The following QSOX2 variants were observed in gnomAD, a reference collection of about 807,000 sequenced individuals.
QSOX2 encodes quiescin sulfhydryl oxidase 2, also known as sulfhydryl oxidase 2.
QSOX2 carries 46 observed loss-of-function variants against 61.7 expected under a neutral mutation model. That is an observed-to-expected ratio of 0.75 (90% CI 0.59 to 0.95). The LOEUF (loss-of-function observed/expected upper bound fraction) is 0.95, where lower values mean the gene tolerates loss of function less well. Among genes scored for constraint, QSOX2 ranks in the 40% least tolerant of loss-of-function variants. The pLI is 0.00. For synonymous variants in QSOX2, 383 were observed against 388.4 expected (o/e 0.99, Z 0.16); for missense variants, 879 against 918.9 (o/e 0.96, Z 0.56).
At chr9:136,211,913 C>T (rs912467482) in intron 10 of QSOX2, among the ~76,000 whole-genome samples, 2 of 152,236 alleles carry the variant, frequency 1.3e-5, no homozygotes, top group Middle Eastern at 3.2e-3. Flanking sequence ...AATGACTCTG[C>T]TCATTCTAAA....
chr9:136,221,974 G>C lies in QSOX2; in HGVS notation c.676-33C>G, dbSNP rs1830220397. ...ATGAGAACACAATGACACTTCCACA[G>C]GGGCTGGCAGTTTCTCAGAAAACAC... On this transcript the variant is annotated intron_variant, in intron 5 of 11. Transcript: ENST00000358701. The surrounding 1 kb of genome is among the most constrained non-coding windows in gnomAD (Gnocchi z 4.5). 6.6e-7 allele frequency: 1 copy of C among 1,518,332 alleles called. No individual in the cohort carries two copies. Among genetic ancestry groups the C allele is most frequent in the Admixed American group, 2.2e-5 (1 of 46,206 alleles). 94.1% of individuals were successfully genotyped at this position (1,518,332 alleles called of 1,614,324 possible). A position where few individuals can be genotyped will look rare whatever the true frequency, so the allele number is the denominator to read the frequency against.
At chr9:136,215,081 C>T in intron 10 of QSOX2, 73 bp downstream of exon 10, 1 of 1,557,352 alleles carries the variant, frequency 6.4e-7, no homozygotes, top group South Asian at 1.2e-5. Flanking sequence ...CAGTACATGC[C>T]TTTGCACACA....
chr9:136,213,739 A>G (rs1306223554), intron 10 of QSOX2, among the ~76,000 whole-genome samples: 2 of 152,288 alleles, frequency 1.3e-5, no homozygotes, highest in East Asian at 1.9e-4. Flanking sequence ...GGCAGAAGTA[A>G]TAATATGTGA....
intron 2 of QSOX2, among the ~76,000 whole-genome samples, chr9:136,225,919 G>A (rs999978204): frequency 7.9e-5 from 12 of 152,250 alleles, no homozygotes; most frequent in Non-Finnish European, 1.2e-4. Context: ...CCATGCTGAC[G>A]TAATCACACG....
Position 136,215,289 on chromosome 9 carries a change from G to A in QSOX2, c.1225C>T (p.Leu409Phe). Residue 409 changes from leucine (L) to phenylalanine (F), a missense_variant, in exon 10 of 12, where the codon CTT becomes TTT. Coordinates refer to ENST00000358701, the MANE Select transcript of QSOX2 (RefSeq NM_181701.4). ...NNKMRISGIF[L>F]TNHIKWVGCQ... Reference sequence around the variant, plus strand: ...CCAACCCACTTTATGTGATTAGTAAGGAATATTCCAGAAATCTGAAAAACA... The same window carrying A: ...CCAACCCACTTTATGTGATTAGTAAAGAATATTCCAGAAATCTGAAAAACA... 1.2e-6 allele frequency: 2 copies of A among 1,609,732 alleles called. No individual in the cohort carries two copies. Among genetic ancestry groups the A allele is most frequent in the Non-Finnish European group, 1.7e-6 (2 of 1,178,768 alleles).
At chr9:136,231,384 G>T (rs946593119) in intron 1 of QSOX2, among the ~76,000 whole-genome samples, 2 of 152,254 alleles carry the variant, frequency 1.3e-5, no homozygotes, top group Admixed American at 6.5e-5. Context: ...ACCTGTGGAG[G>T]AATCATTCCA....
At chr9:136,215,854 G>A (rs931410526) in intron 9 of QSOX2, among the ~76,000 whole-genome samples, 4 of 152,234 alleles carry the variant, frequency 2.6e-5, no homozygotes, top group Non-Finnish European at 4.4e-5. Flanking sequence ...AGCCCAGGAC[G>A]TGCTCTCGAG....
chr9:136,219,207 T>C (rs1448154526), intron 6 of QSOX2, 43 bp from the exon 7 acceptor site: 1 of 1,591,750 alleles, frequency 6.3e-7, no homozygotes, highest in Non-Finnish European at 8.5e-7. Flanking sequence ...GCCTCCTTTA[T>C]AAAATCCTAA....
chr9:136,212,486 TC>T (rs1432673258), intron 10 of QSOX2, among the ~76,000 whole-genome samples: 2 of 152,230 alleles, frequency 1.3e-5, no homozygotes, highest in Non-Finnish European at 2.9e-5. Context: ...TCCTGGTCGG[TC>T]CCAAATCCCG....
chr9:136,224,870 T>A lies in QSOX2; in HGVS notation c.469A>T (p.Asn157Tyr). The A allele has an allele frequency of 6.3e-7, 1 of 1,599,182 alleles. No individual in the cohort carries two copies. The highest frequency in any genetic ancestry group is 2.2e-5 in the East Asian group (1 of 44,602). The change falls in exon 3 of 12, where the codon AAT becomes TAT. Residue 157 changes from asparagine (N) to tyrosine (Y), a missense_variant. By Grantham distance (143) the Asn-to-Tyr change is moderately radical. Coordinates refer to ENST00000358701, the MANE Select transcript of QSOX2 (RefSeq NM_181701.4). ...ATGCTTATGTCCTTACCTTTAAAAT[T>A]TTCTCCAGTTGTAAACTCCTTTGTA... ...AFTKEFTTGE[N>Y]FKGPDRELRT...
Position 136,245,514 on chromosome 9 carries a change from T to C in QSOX2, c.290A>G (p.Tyr97Cys), listed in dbSNP as rs782753633. The C allele has an allele frequency of 1.3e-6, 2 of 1,594,168 alleles. No homozygotes were observed. The highest frequency in any genetic ancestry group is 1.7e-5 in the Admixed American group (1 of 59,734). The change falls in exon 1 of 12, where the codon TAC becomes TGC. Residue 97 changes from tyrosine to cysteine, a missense_variant. Tyr to Cys is a radical substitution (Grantham distance 194, BLOSUM62 -2). Transcript: ENST00000358701. ...YSSWCGHCIG[Y>C]APTWRALAGD... is the part of the protein sequence containing the mutation. ...AGCCAGGGCCCGCCAAGTGGGCGCG[T>C]AGCCGATGCAGTGGCCACACCACGA...
In QSOX2 at chr9:136,208,701, C is replaced by A. The variant is rs1289186874; in HGVS notation, c.*27G>T. 3.2e-6 allele frequency: 5 copies of A among 1,582,676 alleles called. No homozygotes were observed. In the Admixed American group the frequency reaches 8.7e-5, roughly 28 times the overall value. ...GGCAGGGCTGCCTCCAAGGGAGCTT[C>A]CGCCGTGGCTGGCAGCACCCGGGCA... On this transcript the variant is annotated 3_prime_UTR_variant, in exon 12 of 12. Transcript: ENST00000358701.
rs765138466 is a variant in QSOX2, at chr9:136,209,140, T to C, written c.1685A>G (p.Tyr562Cys). Residue 562 changes from tyrosine to cysteine, a missense_variant, in exon 12 of 12, where the codon TAT becomes TGT. Coordinates refer to ENST00000358701, the MANE Select transcript of QSOX2 (RefSeq NM_181701.4). This position sits in a 1 kb window ranked among gnomAD's most constrained non-coding sequence, Gnocchi z 5.6. The part of the protein sequence containing the change: ...GHVLTFLKQH[Y>C]GRDNLLDTYS... ...CGTGTCTAAGAGGTTGTCGCGGCCA[T>C]AGTGCTGCTTCAAGAATGTGAGCAC... is the stretch of plus-strand genomic sequence containing the variant. 2 of 1,614,044 alleles carry C rather than the reference T, an allele frequency of 1.2e-6. No homozygotes were observed. The highest frequency in any genetic ancestry group is 8.5e-7 in the Non-Finnish European group (1 of 1,180,024).
At position 136,222,350 on chromosome 9, in the gene QSOX2, C is replaced by T. The variant is rs1346589058; in HGVS notation, c.676-409G>A. On this transcript the variant is annotated intron_variant, in intron 5 of 11. Coordinates refer to ENST00000358701, the MANE Select transcript of QSOX2 (RefSeq NM_181701.4). This position sits in a 1 kb window ranked among gnomAD's most constrained non-coding sequence, Gnocchi z 6.9. ...GGCAGCAGGCCTCGTGCTGCCGCTC[C>T]TCCCCAGCCACCCTGCTCCTGTCTG... Among the ~76,000 whole-genome samples the T allele has an allele frequency of 6.6e-6, 1 of 152,204 alleles. No homozygotes were observed. The highest frequency in any genetic ancestry group is 6.5e-5 in the Admixed American group (1 of 15,282).
At position 136,209,291 on chromosome 9, in the gene QSOX2, A is replaced by G; in HGVS notation, c.1550-16T>C. 1 of 1,605,592 alleles carries G rather than the reference A, an allele frequency of 6.2e-7. No homozygotes were observed. Among genetic ancestry groups the G allele is most frequent in the Non-Finnish European group, 8.5e-7 (1 of 1,174,412 alleles). ...CTCAGATGGCCTAGGAAGAAAAGGA[A>G]GCGGGAGAGCCAGAGGGAAGGAGGC... On this transcript the variant is annotated splice_polypyrimidine_tract_variant and intron_variant, in intron 11 of 11. Transcript: ENST00000358701. This position sits in a 1 kb window ranked among gnomAD's most constrained non-coding sequence, Gnocchi z 5.6.
At chr9:136,239,427 C>T (rs1394874195) in intron 1 of QSOX2, among the ~76,000 whole-genome samples, 1 of 152,206 alleles carries the variant, frequency 6.6e-6, no homozygotes, top group Admixed American at 6.5e-5. Flanking sequence ...GGAGCCACTG[C>T]CCCGGCCACT....
chr9:136,223,883 T>A lies in QSOX2; in HGVS notation c.585-30A>T, dbSNP rs192032421. On this transcript the variant is annotated intron_variant, in intron 4 of 11. Coordinates refer to ENST00000358701, the MANE Select transcript of QSOX2 (RefSeq NM_181701.4). The surrounding 1 kb of genome is among the most constrained non-coding windows in gnomAD (Gnocchi z 4.4). ...CAAGAGGAAAAAAAGAGGCTTTTAG[T>A]GCCGTCAACAGCAGCGAGTTGGCCA... is the stretch of plus-strand genomic sequence containing the variant. 35 of 1,607,274 alleles carry A rather than the reference T, an allele frequency of 2.2e-5. No homozygotes were observed. In the Admixed American group the frequency reaches 4.3e-4, roughly 20 times the overall value.
Position 136,209,000 on chromosome 9 carries a change from C to G in QSOX2, c.1825G>C (p.Val609Leu), listed in dbSNP as rs111999951. The change falls in exon 12 of 12, where the codon GTC (valine) becomes CTC (leucine). Residue 609 changes from valine (V) to leucine (L), a missense_variant. Transcript: ENST00000358701. ...VSHGDRDTQS[V>L]RPPGALGPRP... Reference sequence around the variant, plus strand: ...GGGCCCAGTGCACCAGGTGGACGGACGCTCTGGGTGTCTCGGTCTCCATGG... The same window carrying G: ...GGGCCCAGTGCACCAGGTGGACGGAGGCTCTGGGTGTCTCGGTCTCCATGG... 4.3e-6 allele frequency: 7 copies of G among 1,613,668 alleles called. No homozygotes were observed. The African/African-American group carries it at 9.3e-5, about 22-fold the overall frequency.
intron 2 of QSOX2, 119 bp downstream of exon 2, chr9:136,226,655 G>A (rs572050277): frequency 2.4e-6 from 2 of 826,200 alleles, no homozygotes; most frequent in African/African-American, 3.3e-5. Context: ...AGCCAGAGAA[G>A]CCGAAAACAC....
Sources: gnomAD v4.1 joint callset for allele counts (sites outside exome capture counted in the v4.1 genomes callset) on GRCh38, gnomAD v4.1.1 for gene constraint, Gnocchi (gnomAD v3.1) non-coding constraint, MANE v1.5 for transcripts, NCBI Gene and HGNC (gene_info 2026-07-23, HGNC 2026-07-21) for gene names.